DDX60: variants seen among roughly 807,000 people sequenced by gnomAD.
DDX60 encodes DExD/H-box helicase 60, also known as probable ATP-dependent RNA helicase DDX60.
A neutral mutation model predicts 212.8 loss-of-function variants in DDX60; 165 were observed. The ratio of observed to expected loss-of-function variants is 0.78; its 90% CI spans 0.68 to 0.88. The LOEUF is 0.88. Among genes scored for constraint, DDX60 ranks in the 40% least tolerant of loss-of-function variants. The pLI, the probability that DDX60 is intolerant of heterozygous loss-of-function variation, is 0.00. For missense variants in DDX60, 1,905 were observed against 2,003.9 expected (o/e 0.95, Z 0.94); for synonymous variants, 703 against 685.3 (o/e 1.03, Z -0.40).
At chr4:168,277,808 CAA>C (rs1167471158) in intron 14 of DDX60, among the ~76,000 whole-genome samples, 28 of 55,600 alleles carry the variant, frequency 5.0e-4, no homozygotes, top group African/African-American at 1.4e-3. Context: ...GACTCCATCT[CAA>C]AAAAAAAAAA....
At position 168,283,412 on chromosome 4, in the gene DDX60, A is replaced by T. The variant is rs200674368; in HGVS notation, c.1722+34T>A. ...ATCAACCTGATAAAAGAAAAGGAAA[A>T]TTTTTTTAATTGGATAGAATTTATA... On this transcript the variant is annotated intron_variant, in intron 13 of 37. Transcript: ENST00000393743. 11,804 of 1,596,548 alleles carry T rather than the reference A, an allele frequency of 7.4e-3. 73 individuals carry two copies. Among genetic ancestry groups the T allele is most frequent in the Middle Eastern group, 0.025 (146 of 5,806 alleles).
chr4:168,262,090 T>C lies in DDX60; in HGVS notation c.3183A>G (p.Lys1061=). The change falls in exon 24 of 38, where the codon AAA becomes AAG. Residue 1061 remains lysine, a synonymous_variant. Transcript: ENST00000393743. ...TAGCATCCATCTTTTTAATGACTAATTTATTGTTAAAATGAATGAAGTTTT... is the reference window on the plus strand; with the variant it reads ...TAGCATCCATCTTTTTAATGACTAACTTATTGTTAAAATGAATGAAGTTTT... ...CPENFIHFNN[K]LVIKKMDARK... 6.3e-7 allele frequency: 1 copy of C among 1,595,800 alleles called. No homozygotes were observed. Among genetic ancestry groups the C allele is most frequent in the Non-Finnish European group, 8.5e-7 (1 of 1,174,394 alleles).
In DDX60 at chr4:168,276,163, A is replaced by C. The variant is rs1579036280; in HGVS notation, c.1997T>G (p.Leu666Ter). The change falls in exon 15 of 38, where the codon TTA (leucine) becomes TGA (stop). Residue 666 changes from leucine (L) to a stop codon, truncating the protein, a stop_gained. Coordinates refer to ENST00000393743, the MANE Select transcript of DDX60 (RefSeq NM_017631.6). LOFTEE classifies it high-confidence loss of function. ...RSEEGKTTKDLSIAVQVMKRI... is the reference protein window; with the variant it reads ...RSEEGKTTKD ...TTTCATCACCTGAACAGCTATACTT[A>C]AATCTTTCGTGGTTTTACCTTGATA... 1 of 1,606,414 alleles carries C rather than the reference A, an allele frequency of 6.2e-7. No individual in the cohort carries two copies. Among genetic ancestry groups the C allele is most frequent in the South Asian group, 1.1e-5 (1 of 89,644 alleles).
intron 6 of DDX60, among the ~76,000 whole-genome samples, chr4:168,300,506 C>T (rs999707913): frequency 2.0e-5 from 3 of 151,906 alleles, no homozygotes; most frequent in Admixed American, 1.3e-4. Context: ...TGCCACTGCA[C>T]TCCAACCTGG....
chr4:168,291,849 G>C lies in DDX60; in HGVS notation c.940C>G (p.Leu314Val). 6.2e-7 allele frequency: 1 copy of C among 1,613,582 alleles called. No homozygotes were observed. Among genetic ancestry groups the C allele is most frequent in the Non-Finnish European group, 8.5e-7 (1 of 1,179,688 alleles). ...AGATGGAGTAGAAAAACCACAGTGA[G>C]ACAATGCAGTTTACACAAATCTTCC... ...EMEDLCKLHC[L>V]TVVFLLHLPL... Residue 314 changes from leucine (L) to valine (V), a missense_variant, in exon 8 of 38, where the codon CTC becomes GTC. Coordinates refer to ENST00000393743, the MANE Select transcript of DDX60 (RefSeq NM_017631.6).
intron 14 of DDX60, 72 bp from the exon 15 acceptor site, chr4:168,276,253 A>C: frequency 7.9e-7 from 1 of 1,273,502 alleles, no homozygotes; most frequent in Non-Finnish European, 1.1e-6. Flanking sequence ...CCCAAGATTA[A>C]TCATCTAGAT....
chr4:168,291,976 C>A, intron 7 of DDX60, 70 bp from the exon 8 acceptor site: 1 of 1,132,882 alleles, frequency 8.8e-7, no homozygotes, highest in Non-Finnish European at 1.2e-6. Context: ...GCATCTAGGA[C>A]CACAAAAGCT....
rs142942424 is a variant in DDX60 at position 168,288,243 on chromosome 4, G to C, written c.1114C>G (p.Leu372Val). Residue 372 changes from leucine to valine, a missense_variant, in exon 9 of 38, where the codon CTT becomes GTT. Transcript: ENST00000393743. ...FEFWNLNLIH[L>V]SDLNDELLLK... ...AAAAGCTCATCATTTAAGTCAGAAAGGTGAATTAAATTCAGATTCCAAAAT... is the reference window on the plus strand; with the variant it reads ...AAAAGCTCATCATTTAAGTCAGAAACGTGAATTAAATTCAGATTCCAAAAT... 4.6e-6 allele frequency: 7 copies of C among 1,505,796 alleles called. No homozygotes were observed. In the East Asian group the frequency reaches 7.0e-5, roughly 15 times the overall value. The allele number at this position is 1,505,796 out of a possible 1,614,324, so 93.3% of individuals were successfully genotyped here. A position where few individuals can be genotyped will look rare whatever the true frequency, so the allele number is the denominator to read the frequency against.
chr4:168,259,050 T>C lies in DDX60; in HGVS notation c.3398+1815A>G, dbSNP rs546826163. 3.9e-5 allele frequency among the ~76,000 whole-genome samples: 6 copies of C among 152,310 alleles called. No individual in the cohort carries two copies. The East Asian group carries it at 1.2e-3, about 29-fold the overall frequency. ...TTACCACTCTTTGTCCAATTCACTATGTAAGTGTCCAACTCTAACTGCATC... is the reference window on the plus strand; with the variant it reads ...TTACCACTCTTTGTCCAATTCACTACGTAAGTGTCCAACTCTAACTGCATC... On this transcript the variant is annotated intron_variant, in intron 25 of 37. Transcript: ENST00000393743.
chr4:168,230,873 C>A (rs1361270903), intron 33 of DDX60, among the ~76,000 whole-genome samples: 3 of 151,590 alleles, frequency 2.0e-5, no homozygotes, highest in Non-Finnish European at 3.0e-5. Context: ...AACAAACAAA[C>A]AAAACCAATA....
the DDX60 span, among the ~76,000 whole-genome samples, chr4:168,325,353 T>C: frequency 6.6e-6 from 1 of 152,260 alleles, no homozygotes; most frequent in Non-Finnish European, 1.5e-5. Context: ...TTCTTAAAAT[T>C]AGGATGCCAA....
chr4:168,302,394 G>T lies in DDX60; in HGVS notation c.629C>A (p.Ala210Asp), dbSNP rs763369375. Reference protein sequence around the residue: ...SWKNKQNIKDAYTTLLNQLER... With the variant: ...SWKNKQNIKDDYTTLLNQLER... ...CAACTGGTTAAGCAGGGTTGTATAA[G>T]CATCTTTAATGTTCTGCTTATTCTG... is the stretch of plus-strand genomic sequence containing the variant. The change falls in exon 6 of 38, where the codon GCT becomes GAT. Residue 210 changes from alanine to aspartate, a missense_variant. Transcript: ENST00000393743. The T allele has an allele frequency of 6.4e-7, 1 of 1,558,328 alleles. No individual in the cohort carries two copies. The highest frequency in any genetic ancestry group is 8.7e-7 in the Non-Finnish European group (1 of 1,152,616).
chr4:168,228,478 A>G (rs1013204447), intron 33 of DDX60, among the ~76,000 whole-genome samples: 1 of 151,750 alleles, frequency 6.6e-6, no homozygotes, highest in African/African-American at 2.4e-5. Context: ...TCTTGTTTTT[A>G]CCAGTTTTTC....
intron 1 of DDX60, among the ~76,000 whole-genome samples, chr4:168,314,251 C>T (rs1356703670): frequency 1.3e-5 from 2 of 152,050 alleles, no homozygotes; most frequent in Non-Finnish European, 2.9e-5. Flanking sequence ...TCATTATCCC[C>T]ACTTCTCTGT....
At chr4:168,306,265 C>A in intron 5 of DDX60, 114 bp downstream of exon 5, 1 of 629,122 alleles carries the variant, frequency 1.6e-6, no homozygotes, top group South Asian at 2.2e-5. Flanking sequence ...AATTGTTATA[C>A]CTATCTGTTA....
intron 25 of DDX60, among the ~76,000 whole-genome samples, 180 bp from the exon 26 acceptor site, chr4:168,256,049 C>A (rs1261196945): frequency 1.3e-5 from 2 of 152,016 alleles, no homozygotes; most frequent in Admixed American, 1.3e-4. Flanking sequence ...TTATTAACTA[C>A]CTTATAGTAA....
At chr4:168,224,649 G>C (rs918741998) in intron 34 of DDX60, among the ~76,000 whole-genome samples, 1 of 151,886 alleles carries the variant, frequency 6.6e-6, no homozygotes, top group African/African-American at 2.4e-5. Context: ...AGAAATGAAA[G>C]ACTAAATTTA....
chr4:168,253,795 C>T (rs1041901292), intron 26 of DDX60, among the ~76,000 whole-genome samples: 4 of 152,212 alleles, frequency 2.6e-5, no homozygotes, highest in Non-Finnish European at 4.4e-5. Flanking sequence ...ACCTAGAAGA[C>T]TCCTCCGTAA....
At chr4:168,275,557 TA>T (rs769542242) in intron 15 of DDX60, 54 bp from the exon 16 acceptor site, 2 of 1,439,440 alleles carry the variant, frequency 1.4e-6, no homozygotes, top group Non-Finnish European at 1.9e-6. Context: ...GAATATCATT[TA>T]AATAAGTAAA....
Sources: allele counts gnomAD v4.1 joint callset (sites outside exome capture counted in the v4.1 genomes callset), GRCh38; gene constraint gnomAD v4.1.1; transcripts MANE v1.5; gene names NCBI Gene and HGNC (gene_info 2026-07-23, HGNC 2026-07-21).